The following CCDC170 variants were observed in gnomAD, a reference collection of about 807,000 sequenced individuals.
The protein encoded by CCDC170 is coiled-coil domain containing 170.
A neutral mutation model predicts 72.6 loss-of-function variants in CCDC170; 69 were observed. The ratio of observed to expected loss-of-function variants is 0.95; its 90% CI spans 0.78 to 1.16. The LOEUF is 1.16. Among genes scored for constraint, CCDC170 ranks in the 50% most tolerant of loss-of-function variants. The probability of loss-of-function intolerance (pLI) is 0.00; values close to 1 mark genes in which losing one functional copy is unlikely to be tolerated. For synonymous variants in CCDC170, 300 were observed against 303.9 expected (o/e 0.99, Z 0.13); for missense variants, 852 against 832.5 (o/e 1.02, Z -0.29).
At chr6:151,611,230 G>A (rs1776865175) in intron 9 of CCDC170, among the ~76,000 whole-genome samples, 1 of 150,980 alleles carries the variant, frequency 6.6e-6, no homozygotes. Flanking sequence ...AGCCGAGATT[G>A]TGCCACTTCA....
intron 1 of CCDC170, among the ~76,000 whole-genome samples, chr6:151,524,216 A>G (rs1172932058): frequency 6.6e-6 from 1 of 152,196 alleles, no homozygotes; most frequent in Non-Finnish European, 1.5e-5. Context: ...CATTGCAGGC[A>G]TGTCTGGGCA....
chr6:151,610,691 C>T (rs1367846764), intron 9 of CCDC170, among the ~76,000 whole-genome samples: 4 of 152,144 alleles, frequency 2.6e-5, no homozygotes, highest in South Asian at 4.1e-4. Context: ...GTTTTGGTAA[C>T]TTGGGATCCA....
chr6:151,611,782 C>A (rs995423654), intron 9 of CCDC170, among the ~76,000 whole-genome samples: 4 of 152,158 alleles, frequency 2.6e-5, no homozygotes, highest in Admixed American at 1.3e-4. Flanking sequence ...GTGGTCTCTG[C>A]TCACTGCAAC....
At chr6:151,546,843 A>G (rs576287263) in intron 4 of CCDC170, among the ~76,000 whole-genome samples, 2 of 152,278 alleles carry the variant, frequency 1.3e-5, no homozygotes, top group South Asian at 4.1e-4. Context: ...CTTGGGAACA[A>G]TGAATAAGAA....
chr6:151,554,492 A>C (rs998486962), intron 5 of CCDC170, among the ~76,000 whole-genome samples: 1 of 152,190 alleles, frequency 6.6e-6, no homozygotes. Context: ...TGGGAGGCCA[A>C]GGCAAGCGGA....
chr6:151,499,686 A>C (rs994903007), intron 1 of CCDC170, among the ~76,000 whole-genome samples: 5 of 152,372 alleles, frequency 3.3e-5, no homozygotes, highest in Middle Eastern at 3.4e-3. Context: ...GTATAAGTGG[A>C]ATCAGACTGT....
In CCDC170 at chr6:151,512,152, G is replaced by GTT. The variant is rs1247040921; in HGVS notation, c.57+17975_57+17976dup. Among the ~76,000 whole-genome samples the GTT allele has an allele frequency of 2.6e-3, 360 of 138,388 alleles. 5 individuals carry two copies. The highest frequency in any genetic ancestry group is 9.6e-3 in the African/African-American group (337 of 34,994). 90.8% of individuals were successfully genotyped at this position (138,388 alleles called of 152,430 possible). The stretch of plus-strand genomic sequence containing the variant: ...AAGCCACTGCACCCAGCAGTATACC[G>GTT]TTTTTTTTTGTTTTTTTTTTTTTTT... On this transcript the variant is annotated intron_variant, in intron 1 of 10. Coordinates refer to ENST00000239374, the MANE Select transcript of CCDC170 (RefSeq NM_025059.4).
At chr6:151,577,631 AC>A (rs11335230) in intron 6 of CCDC170, among the ~76,000 whole-genome samples, 138,982 of 151,712 alleles carry the variant, frequency 0.92, 63,851 homozygotes, top group East Asian at 0.99. Flanking sequence ...AGCTGTGGGG[AC>A]CCCCCCCGAT....
At chr6:151,536,030 G>C (rs147564302) in intron 1 of CCDC170, among the ~76,000 whole-genome samples, 2 of 152,178 alleles carry the variant, frequency 1.3e-5, no homozygotes, top group African/African-American at 4.8e-5. Flanking sequence ...AAAGGGCTAG[G>C]AGTATAGATG....
At chr6:151,559,856 G>A (rs1783047790) in intron 5 of CCDC170, among the ~76,000 whole-genome samples, 1 of 151,964 alleles carries the variant, frequency 6.6e-6, no homozygotes, top group Admixed American at 6.6e-5. Flanking sequence ...AGTTAACTTG[G>A]CTAGTGGTCT....
intron 5 of CCDC170, among the ~76,000 whole-genome samples, chr6:151,561,249 A>G (rs1050972448): frequency 7.2e-5 from 11 of 152,126 alleles, no homozygotes; most frequent in Non-Finnish European, 1.5e-4. Flanking sequence ...TTAAAAATGT[A>G]CAGTTAAATT....
intron 5 of CCDC170, among the ~76,000 whole-genome samples, chr6:151,560,462 G>C (rs1410103557): frequency 1.3e-5 from 2 of 152,138 alleles, no homozygotes; most frequent in Non-Finnish European, 2.9e-5. Context: ...GTATTCTATA[G>C]ATGTCTGTGA....
chr6:151,614,843 T>G (rs1776932833), intron 9 of CCDC170, among the ~76,000 whole-genome samples: 1 of 152,164 alleles, frequency 6.6e-6, no homozygotes, highest in Non-Finnish European at 1.5e-5. Context: ...CTGTGTGTTT[T>G]GGCTTTAAGA....
chr6:151,558,673 T>G (rs1030047697), intron 5 of CCDC170, among the ~76,000 whole-genome samples: 1 of 152,226 alleles, frequency 6.6e-6, no homozygotes, highest in Non-Finnish European at 1.5e-5. Context: ...ATGTATATGC[T>G]TGGCACCATT....
chr6:151,501,087 A>C (rs1167994477), intron 1 of CCDC170, among the ~76,000 whole-genome samples: 1 of 152,176 alleles, frequency 6.6e-6, no homozygotes, highest in Non-Finnish European at 1.5e-5. Flanking sequence ...CTCTATTGGT[A>C]GGAAGTGAAT....
chr6:151,548,561 A>G, intron 5 of CCDC170, 72 bp downstream of exon 5: 1 of 1,351,220 alleles, frequency 7.4e-7, no homozygotes, highest in Non-Finnish European at 9.9e-7. Flanking sequence ...GATGGATGTC[A>G]GATAAGTGCC....
chr6:151,590,096 T>C (rs760527860), intron 7 of CCDC170, among the ~76,000 whole-genome samples: 129 of 152,116 alleles, frequency 8.5e-4, no homozygotes, highest in Non-Finnish European at 1.5e-3. Flanking sequence ...CAAATACCAC[T>C]TCCTCTGGCA....
Position 151,619,055 on chromosome 6 carries a change from A to G in CCDC170, c.*908A>G. On this transcript the variant is annotated 3_prime_UTR_variant, in exon 11 of 11. Coordinates refer to ENST00000239374, the MANE Select transcript of CCDC170 (RefSeq NM_025059.4). ...GTTAATGTCCAAAAATGACAGATTT[A>G]CAAGTGTAAGCTATATGATTTCTTC... 6.7e-6 allele frequency: 1 copy of G among 150,192 alleles called. No individual in the cohort carries two copies. Among genetic ancestry groups the G allele is most frequent in the Non-Finnish European group, 1.5e-5 (1 of 67,624 alleles). The allele number at this position is 150,192 out of a possible 1,614,324, so 9.3% of individuals were successfully genotyped here.
chr6:151,583,529 C>T (rs1002047896), intron 6 of CCDC170, among the ~76,000 whole-genome samples: 3 of 152,096 alleles, frequency 2.0e-5, no homozygotes, highest in South Asian at 2.1e-4. Flanking sequence ...GTGATGTTGG[C>T]TCACTACAAC....
Sources: allele counts gnomAD v4.1 joint callset (sites outside exome capture counted in the v4.1 genomes callset), GRCh38; gene constraint gnomAD v4.1.1; transcripts MANE v1.5; gene names NCBI Gene and HGNC (gene_info 2026-07-23, HGNC 2026-07-21).